Variants in PANK1 observed in about 807,000 individuals in gnomAD.
PANK1 encodes pantothenate kinase 1.
In PANK1, 18 loss-of-function variants were observed where a neutral mutation model predicts 40.1. The ratio of observed to expected loss-of-function variants is 0.45; its 90% CI spans 0.31 to 0.67. The LOEUF is 0.67. Among genes scored for constraint, PANK1 ranks in the 30% least tolerant of loss-of-function variants. PANK1 has a pLI of 0.06. For missense variants in PANK1, 457 were observed against 599.6 expected, an observed-to-expected ratio of 0.76 and a Z score of 2.48; for synonymous variants, 242 against 237.7, an observed-to-expected ratio of 1.02 and a Z score of -0.17.
chr10:89,584,073 A>C lies in PANK1; in HGVS notation c.*333T>G, dbSNP rs1239551689. On this transcript the variant is annotated 3_prime_UTR_variant, in exon 7 of 7. Transcript: ENST00000307534. ...CACTGATCAGTAAACCCCAGAAGAA[A>C]AATGACCAGCGCTTACATATCAGGT... 2 of 217,184 alleles carry C rather than the reference A, an allele frequency of 9.2e-6. No individual in the cohort carries two copies. Among genetic ancestry groups the C allele is most frequent in the Non-Finnish European group, 1.8e-5 (2 of 109,624 alleles). 13.5% of individuals were successfully genotyped at this position (217,184 alleles called of 1,614,324 possible). A position where few individuals can be genotyped will look rare whatever the true frequency, so the allele number is the denominator to read the frequency against.
At chr10:89,585,965 T>C (rs906417755) in intron 6 of PANK1, among the ~76,000 whole-genome samples, 1 of 152,180 alleles carries the variant, frequency 6.6e-6, no homozygotes. Flanking sequence ...AGAGACTGAG[T>C]TATGATATAG....
intron 5 of PANK1, among the ~76,000 whole-genome samples, chr10:89,590,913 C>T (rs911894563): frequency 6.6e-6 from 1 of 151,806 alleles, no homozygotes; most frequent in Admixed American, 6.6e-5. Flanking sequence ...GGAGAGAGGA[C>T]CAGAGGGAGG....
chr10:89,597,038 G>A lies in PANK1; in HGVS notation c.899+2214C>T, dbSNP rs533629633. On this transcript the variant is annotated intron_variant, in intron 3 of 6. Coordinates refer to ENST00000307534, the MANE Select transcript of PANK1 (RefSeq NM_148977.3). ...AAACCATTTGAAATCATGTTTAAAAGGAAACTGACATCCTGTGTAGCTTCT... is the reference window on the plus strand; with the variant it reads ...AAACCATTTGAAATCATGTTTAAAAAGAAACTGACATCCTGTGTAGCTTCT... 5.9e-5 allele frequency among the ~76,000 whole-genome samples: 9 copies of A among 152,206 alleles called. No individual in the cohort carries two copies. The South Asian group carries it at 1.7e-3, about 28-fold the overall frequency.
At chr10:89,641,184 G>T (rs1841957997) in intron 1 of PANK1, among the ~76,000 whole-genome samples, 1 of 152,126 alleles carries the variant, frequency 6.6e-6, no homozygotes, top group South Asian at 2.1e-4. Flanking sequence ...AAAATTAATT[G>T]TTAAAAATAC....
chr10:89,595,531 T>G (rs1844535030), intron 3 of PANK1, among the ~76,000 whole-genome samples: 1 of 150,360 alleles, frequency 6.7e-6, no homozygotes, highest in South Asian at 2.1e-4. Flanking sequence ...AAAGTATACT[T>G]GATTGAGGCC....
intron 2 of PANK1, among the ~76,000 whole-genome samples, chr10:89,600,097 C>T (rs138786465): frequency 9.8e-5 from 15 of 152,306 alleles, no homozygotes; most frequent in Non-Finnish European, 2.2e-4. Context: ...TACGGTCCTG[C>T]TAATGCTTTG....
intron 3 of PANK1, among the ~76,000 whole-genome samples, chr10:89,597,268 CAG>C (rs1844638976): frequency 6.6e-6 from 1 of 152,196 alleles, no homozygotes; most frequent in African/African-American, 2.4e-5. Flanking sequence ...TCGTTTATGT[CAG>C]AGGTTTCCTA....
At chr10:89,628,915 G>A (rs912454634) in intron 1 of PANK1, among the ~76,000 whole-genome samples, 2 of 152,068 alleles carry the variant, frequency 1.3e-5, no homozygotes, top group African/African-American at 4.8e-5. Flanking sequence ...AGGCTGCTAT[G>A]GTTTGAATCT....
chr10:89,612,506 G>T (rs557570346), intron 1 of PANK1, among the ~76,000 whole-genome samples: 1 of 152,304 alleles, frequency 6.6e-6, no homozygotes, highest in Non-Finnish European at 1.5e-5. Context: ...ACCATGCTGG[G>T]TGTACCAAGA....
At chr10:89,618,431 T>C (rs1014416939) in intron 1 of PANK1, among the ~76,000 whole-genome samples, 32 of 152,324 alleles carry the variant, frequency 2.1e-4, no homozygotes, top group African/African-American at 7.7e-4. Context: ...TATCATCACC[T>C]GAGTAACAGC....
At chr10:89,601,954 C>T (rs1343109828) in intron 2 of PANK1, among the ~76,000 whole-genome samples, 1 of 152,204 alleles carries the variant, frequency 6.6e-6, no homozygotes, top group Non-Finnish European at 1.5e-5. Context: ...TTTTCTAGGT[C>T]TCTTGCTGCC....
At chr10:89,604,508 A>G (rs1844882579) in intron 2 of PANK1, among the ~76,000 whole-genome samples, 1 of 152,078 alleles carries the variant, frequency 6.6e-6, no homozygotes, top group African/African-American at 2.4e-5. Context: ...CCTGGCCAAC[A>G]TGGTAAGACC....
intron 1 of PANK1, 32 bp downstream of exon 1, chr10:89,644,568 T>C (rs761363930): frequency 3.2e-6 from 5 of 1,564,098 alleles, no homozygotes; most frequent in Non-Finnish European, 4.3e-6. Context: ...GCGTCTGCCT[T>C]GCGCCCGCGC....
Position 89,629,911 on chromosome 10 carries a change from TA to T in PANK1, c.292+14688del, listed in dbSNP as rs149776537. Among the ~76,000 whole-genome samples the T allele has an allele frequency of 1.4e-4, 22 of 152,328 alleles. 1 individual carries two copies. In the East Asian group the frequency reaches 4.2e-3, roughly 29 times the overall value. On this transcript the variant is annotated intron_variant, in intron 1 of 6. Coordinates refer to ENST00000307534, the MANE Select transcript of PANK1 (RefSeq NM_148977.3). ...AATGTTTCAGCTTCTTGCTGAATACTAAAAATACCTAACAACTCACTTTGCT... is the reference window on the plus strand; with the variant it reads ...AATGTTTCAGCTTCTTGCTGAATACTAAAATACCTAACAACTCACTTTGCT...
intron 1 of PANK1, among the ~76,000 whole-genome samples, chr10:89,612,353 T>C (rs1845184498): frequency 6.6e-6 from 1 of 152,192 alleles, no homozygotes; most frequent in African/African-American, 2.4e-5. Context: ...AGGGCTCAAG[T>C]ATCTCACCAA....
intron 2 of PANK1, among the ~76,000 whole-genome samples, chr10:89,602,120 A>T (rs1844806034): frequency 6.6e-6 from 1 of 152,258 alleles, no homozygotes; most frequent in African/African-American, 2.4e-5. Context: ...TTAAAAATTA[A>T]TCAGAGGTTC....
chr10:89,606,350 C>T (rs988044217), intron 2 of PANK1, among the ~76,000 whole-genome samples: 2 of 152,240 alleles, frequency 1.3e-5, no homozygotes, highest in Admixed American at 1.3e-4. Context: ...TTCATCTATA[C>T]TGGAAATCTG....
downstream of PANK1, chr10:89,582,852 A>G (rs993330992): frequency 3.3e-5 from 5 of 152,218 alleles, no homozygotes; most frequent in African/African-American, 1.2e-4. Flanking sequence ...GTTTTGGACC[A>G]TACCACACTC....
chr10:89,640,057 G>T (rs1335813354), intron 1 of PANK1, among the ~76,000 whole-genome samples: 1 of 152,154 alleles, frequency 6.6e-6, no homozygotes, highest in African/African-American at 2.4e-5. Flanking sequence ...TTACAATTTT[G>T]GCCCTGTCAT....
Sources: gnomAD v4.1 joint callset for allele counts (sites outside exome capture counted in the v4.1 genomes callset) on GRCh38, gnomAD v4.1.1 for gene constraint, MANE v1.5 for transcripts, NCBI Gene and HGNC (gene_info 2026-07-23, HGNC 2026-07-21) for gene names.